Variants in SUFU observed in about 807,000 individuals in gnomAD.
SUFU encodes the protein suppressor of fused homolog.
SUFU carries 7 observed loss-of-function variants against 58.9 expected under a neutral mutation model. That is an observed-to-expected ratio of 0.12 (90% CI 0.07 to 0.22). The LOEUF (loss-of-function observed/expected upper bound fraction) is 0.22, where lower values mean the gene tolerates loss of function less well. Among genes scored for constraint, SUFU ranks in the 10% least tolerant of loss-of-function variants. The pLI, the probability that SUFU is intolerant of heterozygous loss-of-function variation, is 1.00. For missense variants in SUFU, 451 were observed against 641.3 expected (o/e 0.70, Z 3.20); for synonymous variants, 232 against 254.8 (o/e 0.91, Z 0.85).
chr10:102,610,969 G>A (rs1188338832), intron 8 of SUFU, among the ~76,000 whole-genome samples: 2 of 152,206 alleles, frequency 1.3e-5, no homozygotes, highest in Admixed American at 1.3e-4. Flanking sequence ...TAGATAATTC[G>A]ATGACAGTTT....
chr10:102,627,310 C>CACGTCTGTGCATGCATGTGTGCGT (rs2063794974), intron 11 of SUFU, 67 bp downstream of exon 11: 1 of 1,388,406 alleles, frequency 7.2e-7, no homozygotes. Context: ...CGTGCGTGTG[C>CACGTCTGTGCATGCATGTGTGCGT]ACGTCTGTGC....
Position 102,630,042 on chromosome 10 carries a change from G to T in SUFU, c.1366-24G>T, listed in dbSNP as rs2063823779. ...TATTCTGCTAACCACTCACACTCCTGGTCTGTGCTTGCTCCCTCCACAGTT... is the reference window on the plus strand; with the variant it reads ...TATTCTGCTAACCACTCACACTCCTTGTCTGTGCTTGCTCCCTCCACAGTT... On this transcript the variant is annotated intron_variant, in intron 11 of 11. Coordinates refer to ENST00000369902, the MANE Select transcript of SUFU (RefSeq NM_016169.4). The T allele has an allele frequency of 3.1e-6, 5 of 1,607,782 alleles. No individual in the cohort carries two copies. The South Asian group carries it at 5.5e-5, about 18-fold the overall frequency.
At chr10:102,509,592 T>C (rs1251098837) in intron 2 of SUFU, among the ~76,000 whole-genome samples, 1 of 152,180 alleles carries the variant, frequency 6.6e-6, no homozygotes, top group Non-Finnish European at 1.5e-5. Context: ...GACTCAGAAC[T>C]TGGGCTGATG....
intron 2 of SUFU, among the ~76,000 whole-genome samples, chr10:102,518,443 G>A (rs1184138930): frequency 6.6e-6 from 1 of 152,180 alleles, no homozygotes; most frequent in Non-Finnish European, 1.5e-5. Context: ...ACTGAGTAGA[G>A]TTAACCAGAA....
rs574630127 is a variant in SUFU at position 102,632,884 on chromosome 10, T to C, written c.*2729T>C. On this transcript the variant is annotated 3_prime_UTR_variant, in exon 12 of 12. Transcript: ENST00000369902. ...AGGACTGCAGACTCAGCTGCAATTCTGAGGGGGGTTTGGGAGGCTTGTGCG... is the reference window on the plus strand; with the variant it reads ...AGGACTGCAGACTCAGCTGCAATTCCGAGGGGGGTTTGGGAGGCTTGTGCG... 3.0e-4 allele frequency: 69 copies of C among 233,592 alleles called. No homozygotes were observed. The highest frequency in any genetic ancestry group is 1.4e-3 in the African/African-American group (62 of 45,474). 14.5% of individuals were successfully genotyped at this position (233,592 alleles called of 1,614,324 possible).
At chr10:102,553,519 AGTG>A (rs2062942417) in intron 3 of SUFU, among the ~76,000 whole-genome samples, 1 of 150,076 alleles carries the variant, frequency 6.7e-6, no homozygotes, top group Admixed American at 6.7e-5. Context: ...GCTGGAGTGC[AGTG>A]GTGTGATCTT....
Position 102,633,329 on chromosome 10 carries a change from C to G in SUFU, c.*3174C>G. 4.3e-6 allele frequency: 1 copy of G among 233,292 alleles called. No homozygotes were observed. 14.5% of individuals were successfully genotyped at this position (233,292 alleles called of 1,614,324 possible). Reference sequence around the variant, plus strand: ...TTAGTTTTTAATGTCAGTGGCGACTCGGTTCCTGGGGCTGCAGCCAGCCTG... The same window carrying G: ...TTAGTTTTTAATGTCAGTGGCGACTGGGTTCCTGGGGCTGCAGCCAGCCTG... On this transcript the variant is annotated 3_prime_UTR_variant, in exon 12 of 12. Coordinates refer to ENST00000369902, the MANE Select transcript of SUFU (RefSeq NM_016169.4).
At chr10:102,512,997 G>A (rs1209069138) in intron 2 of SUFU, among the ~76,000 whole-genome samples, 1 of 152,046 alleles carries the variant, frequency 6.6e-6, no homozygotes, top group African/African-American at 2.4e-5. Flanking sequence ...GAGCCTGGGA[G>A]TTTGAAGCTG....
intron 3 of SUFU, among the ~76,000 whole-genome samples, chr10:102,586,059 A>C (rs1202116883): frequency 2.6e-5 from 4 of 151,052 alleles, no homozygotes; most frequent in African/African-American, 9.7e-5. Flanking sequence ...TAATATTTGT[A>C]TTTTTAGTAG....
At chr10:102,538,544 T>G (rs1179797285) in intron 2 of SUFU, among the ~76,000 whole-genome samples, 1 of 152,132 alleles carries the variant, frequency 6.6e-6, no homozygotes, top group African/African-American at 2.4e-5. Flanking sequence ...AAAAAAGACT[T>G]TTTTAGAGCC....
chr10:102,581,814 G>A (rs1239038020), intron 3 of SUFU, among the ~76,000 whole-genome samples: 1 of 152,214 alleles, frequency 6.6e-6, no homozygotes, highest in African/African-American at 2.4e-5. Flanking sequence ...AGACACTTAA[G>A]CCCTGGTTAT....
intron 2 of SUFU, among the ~76,000 whole-genome samples, chr10:102,538,998 T>C (rs2062771269): frequency 1.3e-5 from 2 of 152,180 alleles, no homozygotes; most frequent in Admixed American, 6.5e-5. Flanking sequence ...AGTGTGGCAG[T>C]GTTTTGCTTT....
chr10:102,602,048 G>C (rs1435208724), intron 8 of SUFU, among the ~76,000 whole-genome samples: 2 of 152,234 alleles, frequency 1.3e-5, no homozygotes, highest in Non-Finnish European at 2.9e-5. Flanking sequence ...ACTTGGGGGT[G>C]TCAAGCACTT....
At chr10:102,541,340 A>G (rs939445116) in intron 2 of SUFU, among the ~76,000 whole-genome samples, 3 of 151,636 alleles carry the variant, frequency 2.0e-5, no homozygotes, top group East Asian at 3.9e-4. Context: ...TCCTTCCCAC[A>G]TGGCTTTCTA....
chr10:102,535,212 C>A, intron 2 of SUFU, among the ~76,000 whole-genome samples: 1 of 152,114 alleles, frequency 6.6e-6, no homozygotes, highest in Non-Finnish European at 1.5e-5. Context: ...CAGGGCCGGG[C>A]GCGGTGGCTC....
At chr10:102,512,712 A>T (rs987473349) in intron 2 of SUFU, among the ~76,000 whole-genome samples, 4 of 152,234 alleles carry the variant, frequency 2.6e-5, no homozygotes, top group African/African-American at 4.8e-5. Flanking sequence ...CACTAGAAGA[A>T]TGTGGAAGGA....
At chr10:102,615,124 T>A (rs1054788564) in intron 8 of SUFU, 144 bp from the exon 9 acceptor site, 2 of 1,250,218 alleles carry the variant, frequency 1.6e-6, no homozygotes, top group Non-Finnish European at 2.3e-6. Context: ...TCGCCAGGCA[T>A]ATACAGAATG....
intron 2 of SUFU, among the ~76,000 whole-genome samples, chr10:102,515,948 C>T (rs2062463205): frequency 6.6e-6 from 1 of 152,114 alleles, no homozygotes; most frequent in Non-Finnish European, 1.5e-5. Flanking sequence ...GACCACCAAG[C>T]AAGCGTGAGG....
chr10:102,571,796 G>T (rs1050950230), intron 3 of SUFU, among the ~76,000 whole-genome samples: 6 of 152,290 alleles, frequency 3.9e-5, no homozygotes, highest in Admixed American at 2.6e-4. Flanking sequence ...GCCTTGCAAG[G>T]CTACAATTAA....
Sources: allele counts gnomAD v4.1 joint callset (sites outside exome capture counted in the v4.1 genomes callset), GRCh38; gene constraint gnomAD v4.1.1; transcripts MANE v1.5; gene names NCBI Gene and HGNC (gene_info 2026-07-23, HGNC 2026-07-21).